Variants in ZNF385B observed in about 807,000 individuals in gnomAD.
The protein encoded by ZNF385B is zinc finger protein 385B.
ZNF385B carries 23 observed loss-of-function variants against 39.2 expected under a neutral mutation model. The ratio of observed to expected loss-of-function variants is 0.59; its 90% CI spans 0.42 to 0.83. The LOEUF is 0.83. Ranked by LOEUF, ZNF385B falls within the 40% of genes least tolerant of loss-of-function variation. The pLI is 0.00. For synonymous variants in ZNF385B, 205 were observed against 222.6 expected (o/e 0.92, Z 0.70); for missense variants, 552 against 598.9 (o/e 0.92, Z 0.82).
chr2:179,584,791 T>A (rs1686913571), intron 3 of ZNF385B, among the ~76,000 whole-genome samples: 1 of 152,266 alleles, frequency 6.6e-6, no homozygotes, highest in African/African-American at 2.4e-5. Context: ...CATAGGGGCA[T>A]GACTCAGGCC....
intron 6 of ZNF385B, among the ~76,000 whole-genome samples, chr2:179,465,868 A>T (rs2051947229): frequency 6.6e-6 from 1 of 152,150 alleles, no homozygotes; most frequent in Non-Finnish European, 1.5e-5. Flanking sequence ...TTACCAGGAG[A>T]GATTCTTGAG....
At chr2:179,518,441 T>G (rs536077548) in intron 5 of ZNF385B, 87 bp downstream of exon 5, 1 of 991,264 alleles carries the variant, frequency 1.0e-6, no homozygotes, top group Non-Finnish European at 1.5e-6. Flanking sequence ...TGCTACAGTA[T>G]GTAAATATGA....
At chr2:179,456,950 T>C (rs965082695) in intron 6 of ZNF385B, among the ~76,000 whole-genome samples, 1 of 152,132 alleles carries the variant, frequency 6.6e-6, no homozygotes, top group Non-Finnish European at 1.5e-5. Context: ...ATATATAAAT[T>C]TAATACATTT....
intron 6 of ZNF385B, among the ~76,000 whole-genome samples, chr2:179,473,114 C>T (rs2052979843): frequency 6.6e-6 from 1 of 152,114 alleles, no homozygotes; most frequent in Admixed American, 6.5e-5. Context: ...ACAGACGAGA[C>T]ACATTAACCA....
At chr2:179,446,906 A>G in intron 6 of ZNF385B, 136 bp from the exon 7 acceptor site, 3 of 1,116,078 alleles carry the variant, frequency 2.7e-6, no homozygotes, top group Non-Finnish European at 3.7e-6. Flanking sequence ...CAGTTTATAG[A>G]GGTTAAATCA....
intron 3 of ZNF385B, among the ~76,000 whole-genome samples, chr2:179,740,042 C>T (rs899898327): frequency 2.0e-5 from 3 of 151,806 alleles, no homozygotes; most frequent in Non-Finnish European, 4.4e-5. Context: ...AAAAAGAAGC[C>T]CTTACAGATT....
chr2:179,455,535 T>C (rs1225586312), intron 6 of ZNF385B, among the ~76,000 whole-genome samples: 1 of 152,086 alleles, frequency 6.6e-6, no homozygotes, highest in Admixed American at 6.6e-5. Flanking sequence ...TGGTGGTAAG[T>C]TTCCTGAGGC....
intron 5 of ZNF385B, among the ~76,000 whole-genome samples, chr2:179,486,673 G>C (rs2054602029): frequency 6.6e-6 from 1 of 152,194 alleles, no homozygotes; most frequent in Non-Finnish European, 1.5e-5. Context: ...CCGGCACTTT[G>C]GGAGGCCCAG....
At chr2:179,634,523 G>C (rs1489383477) in intron 3 of ZNF385B, among the ~76,000 whole-genome samples, 1 of 152,204 alleles carries the variant, frequency 6.6e-6, no homozygotes, top group East Asian at 1.9e-4. Flanking sequence ...ACAGTAGTTA[G>C]AATAGTAATC....
At chr2:179,809,648 GA>G (rs1018318985) in intron 1 of ZNF385B, among the ~76,000 whole-genome samples, 22 of 151,962 alleles carry the variant, frequency 1.4e-4, no homozygotes, top group Admixed American at 1.2e-3. Context: ...AGAAACATGG[GA>G]AAAATACAAA....
chr2:179,543,556 G>T (rs779332489), intron 4 of ZNF385B, among the ~76,000 whole-genome samples: 1 of 152,160 alleles, frequency 6.6e-6, no homozygotes. Context: ...TTGAAATGGC[G>T]TAATGTGGTG....
At chr2:179,486,917 AAAAAAAC>A (rs1286562633) in intron 5 of ZNF385B, among the ~76,000 whole-genome samples, 15 of 152,320 alleles carry the variant, frequency 9.8e-5, no homozygotes, top group African/African-American at 2.9e-4. Flanking sequence ...CTCCGTCTCA[AAAAAAAC>A]AAAAAACAAA....
At chr2:179,572,836 C>T (rs1685383568) in intron 3 of ZNF385B, among the ~76,000 whole-genome samples, 1 of 152,100 alleles carries the variant, frequency 6.6e-6, no homozygotes, top group Non-Finnish European at 1.5e-5. Flanking sequence ...TCCCACTAAG[C>T]CCTGTTTATT....
chr2:179,531,550 C>T (rs1465384145), intron 4 of ZNF385B, among the ~76,000 whole-genome samples: 7 of 152,034 alleles, frequency 4.6e-5, no homozygotes, highest in East Asian at 1.9e-4. Context: ...GCAGGAGAAT[C>T]GCTTGAACCT....
At chr2:179,590,163 T>C (rs1205671831) in intron 3 of ZNF385B, among the ~76,000 whole-genome samples, 2 of 152,200 alleles carry the variant, frequency 1.3e-5, no homozygotes, top group Non-Finnish European at 2.9e-5. Flanking sequence ...GCTCATCTTA[T>C]AGGGTTATCA....
chr2:179,703,420 T>C (rs540770987), intron 3 of ZNF385B, among the ~76,000 whole-genome samples: 1 of 152,362 alleles, frequency 6.6e-6, no homozygotes, highest in Non-Finnish European at 1.5e-5. Flanking sequence ...CTTAATTTTC[T>C]TTCCTTAGTA....
At chr2:179,521,015 CAA>C (rs1442450487) in intron 4 of ZNF385B, among the ~76,000 whole-genome samples, 2 of 152,014 alleles carry the variant, frequency 1.3e-5, no homozygotes, top group East Asian at 3.8e-4. Flanking sequence ...CATAGAAAGA[CAA>C]AAGATACATT....
chr2:179,713,441 T>G (rs1429347277), intron 3 of ZNF385B, among the ~76,000 whole-genome samples: 1 of 152,198 alleles, frequency 6.6e-6, no homozygotes, highest in African/African-American at 2.4e-5. Context: ...AGTTAGCTCC[T>G]ATTTAATCTT....
At chr2:179,517,910 A>G (rs2058203180) in intron 5 of ZNF385B, among the ~76,000 whole-genome samples, 1 of 152,150 alleles carries the variant, frequency 6.6e-6, no homozygotes, top group African/African-American at 2.4e-5. Flanking sequence ...AACTTTCTCT[A>G]TATTTTATGT....
Sources: allele counts gnomAD v4.1 joint callset (sites outside exome capture counted in the v4.1 genomes callset), GRCh38; gene constraint gnomAD v4.1.1; transcripts MANE v1.5; gene names NCBI Gene and HGNC (gene_info 2026-07-23, HGNC 2026-07-21).